The following FAM98B variants were observed in gnomAD, a reference collection of about 807,000 sequenced individuals.
FAM98B encodes tRNA-splicing ligase complex subunit FAM98B.
FAM98B carries 32 observed loss-of-function variants against 43.9 expected under a neutral mutation model. The observed-to-expected ratio is 0.73, with a 90% CI of 0.55 to 0.98. The LOEUF is 0.98. Ranked by LOEUF, FAM98B falls within the 50% of genes least tolerant of loss-of-function variation. The pLI is 0.00. For synonymous variants in FAM98B, 190 were observed against 174.0 expected (o/e 1.09, Z -0.72); for missense variants, 514 against 522.9 (o/e 0.98, Z 0.17).
intron 3 of FAM98B, among the ~76,000 whole-genome samples, chr15:38,469,096 G>A (rs1239330283): frequency 2.0e-5 from 3 of 151,990 alleles, no homozygotes; most frequent in Non-Finnish European, 4.4e-5. Flanking sequence ...AGTAGAGTCG[G>A]GGTTTCACCA....
intron 6 of FAM98B, among the ~76,000 whole-genome samples, chr15:38,475,215 G>A (rs1890178938): frequency 6.6e-6 from 1 of 152,056 alleles, no homozygotes. Flanking sequence ...GGGGGGCAGG[G>A]CGATGGTTTT....
chr15:38,476,429 CT>C (rs1566900408), intron 6 of FAM98B, among the ~76,000 whole-genome samples: 2 of 150,298 alleles, frequency 1.3e-5, no homozygotes, highest in Non-Finnish European at 3.0e-5. Flanking sequence ...TCCTTTATTA[CT>C]TTTTCCCTTT....
At chr15:38,476,913 C>T (rs1890209440) in intron 6 of FAM98B, among the ~76,000 whole-genome samples, 1 of 151,814 alleles carries the variant, frequency 6.6e-6, no homozygotes. Flanking sequence ...ATTGCTTGAG[C>T]CCAGGAGTTT....
chr15:38,456,737 G>T (rs1889854262), intron 1 of FAM98B, among the ~76,000 whole-genome samples: 1 of 152,210 alleles, frequency 6.6e-6, no homozygotes, highest in Non-Finnish European at 1.5e-5. Flanking sequence ...GTTAAGGTTG[G>T]ATGGATGAAA....
Position 38,474,836 on chromosome 15 carries a change from C to T in FAM98B, c.729+538C>T, listed in dbSNP as rs1890174857. Among the ~76,000 whole-genome samples, 3 of 152,086 alleles carry T rather than the reference C, an allele frequency of 2.0e-5. No homozygotes were observed. The South Asian group carries it at 6.2e-4, about 32-fold the overall frequency. On this transcript the variant is annotated intron_variant, in intron 6 of 7. Coordinates refer to ENST00000397609, the MANE Select transcript of FAM98B (RefSeq NM_173611.4). ...TTAGTCTGGGATCACTCCTCACCCC[C>T]GCTCTCCCTACCCTGCATCATTGCC...
intron 1 of FAM98B, chr15:38,458,778 G>A (rs1595795822): frequency 2.5e-6 from 1 of 399,870 alleles, no homozygotes; most frequent in Non-Finnish European, 4.9e-6. Context: ...ACCCAAGGCT[G>A]GTATAGATGT....
chr15:38,466,121 C>G (rs1460785259), intron 3 of FAM98B, among the ~76,000 whole-genome samples: 1 of 151,798 alleles, frequency 6.6e-6, no homozygotes, highest in Admixed American at 6.6e-5. Context: ...AAAGATTACA[C>G]GTGACATATT....
intron 1 of FAM98B, among the ~76,000 whole-genome samples, chr15:38,462,525 G>T (rs188830517): frequency 6.6e-6 from 1 of 152,176 alleles, no homozygotes. Context: ...TATCCTTACA[G>T]GAATACGTCG....
At chr15:38,475,657 T>C (rs961505918) in intron 6 of FAM98B, among the ~76,000 whole-genome samples, 2 of 152,108 alleles carry the variant, frequency 1.3e-5, no homozygotes, top group African/African-American at 2.4e-5. Flanking sequence ...ATGAGAACCC[T>C]TGTGATTATA....
chr15:38,480,192 A>C (rs1180117525), intron 6 of FAM98B, among the ~76,000 whole-genome samples: 1 of 152,178 alleles, frequency 6.6e-6, no homozygotes, highest in African/African-American at 2.4e-5. Context: ...TTTAAATTGA[A>C]AATTAAACCT....
intron 2 of FAM98B, among the ~76,000 whole-genome samples, chr15:38,464,911 A>G (rs1173264917): frequency 1.3e-5 from 2 of 152,230 alleles, no homozygotes; most frequent in Non-Finnish European, 2.9e-5. Flanking sequence ...CAGATCTAAC[A>G]GTTCACTTGA....
chr15:38,478,254 C>A (rs1465123012), intron 6 of FAM98B, among the ~76,000 whole-genome samples: 1 of 152,030 alleles, frequency 6.6e-6, no homozygotes, highest in African/African-American at 2.4e-5. Flanking sequence ...GATATTTTAT[C>A]TTCTCATGTT....
At chr15:38,476,360 T>C (rs2141059905) in intron 6 of FAM98B, among the ~76,000 whole-genome samples, 1 of 151,986 alleles carries the variant, frequency 6.6e-6, no homozygotes, top group East Asian at 1.9e-4. Context: ...TTTTTTTTCA[T>C]TCATTGTGCC....
At chr15:38,455,491 G>T (rs1889834247) in intron 1 of FAM98B, among the ~76,000 whole-genome samples, 1 of 152,168 alleles carries the variant, frequency 6.6e-6, no homozygotes, top group South Asian at 2.1e-4. Flanking sequence ...CAGTGACCCA[G>T]GGTTACGGAG....
intron 6 of FAM98B, among the ~76,000 whole-genome samples, chr15:38,476,980 G>T (rs1890210078): frequency 6.6e-6 from 1 of 151,948 alleles, no homozygotes; most frequent in South Asian, 2.1e-4. Context: ...GACAGAGCAA[G>T]ACTCTGTCTC....
At chr15:38,456,375 C>T (rs1178225406) in intron 1 of FAM98B, among the ~76,000 whole-genome samples, 1 of 152,166 alleles carries the variant, frequency 6.6e-6, no homozygotes, top group Non-Finnish European at 1.5e-5. Context: ...TCATAATCTT[C>T]AGAGGTACAG....
chr15:38,465,355 G>A lies in FAM98B; in HGVS notation c.304G>A (p.Asp102Asn), dbSNP rs754715168. ...TCCATATTCTGTACTCATATCAGGA[G>A]ATATTAAAGATCGTTTAAAAAAGAA... ...ACPYSVLISG[D>N]IKDRLKKKED... Residue 102 changes from aspartate to asparagine, a missense_variant, in exon 3 of 8, where the codon GAT (aspartate) becomes AAT (asparagine). Physicochemically the swap from Asp to Asn is conservative, Grantham distance 23. Coordinates refer to ENST00000397609, the MANE Select transcript of FAM98B (RefSeq NM_173611.4). The A allele has an allele frequency of 3.1e-6, 5 of 1,606,658 alleles. No homozygotes were observed. The South Asian group carries it at 5.6e-5, about 18-fold the overall frequency.
At chr15:38,457,088 AATG>A (rs1201380248) in intron 1 of FAM98B, among the ~76,000 whole-genome samples, 1 of 152,246 alleles carries the variant, frequency 6.6e-6, no homozygotes, top group Non-Finnish European at 1.5e-5. Context: ...CTGTGAAAGA[AATG>A]ATGGTTGCTT....
chr15:38,486,591 G>T lies in FAM98B; in HGVS notation c.*1932G>T, dbSNP rs1010762663. 4 of 152,074 alleles carry T rather than the reference G, an allele frequency of 2.6e-5. No homozygotes were observed. The highest frequency in any genetic ancestry group is 9.7e-5 in the African/African-American group (4 of 41,434). 9.4% of individuals were successfully genotyped at this position (152,074 alleles called of 1,614,324 possible). A position where few individuals can be genotyped will look rare whatever the true frequency, so the allele number is the denominator to read the frequency against. ...GTACCTTTATAGGAGTGCTGCTTGG[G>T]TTATTCACTACAATCACTTATTTCC... On this transcript the variant is annotated 3_prime_UTR_variant, in exon 8 of 8. Coordinates refer to ENST00000397609, the MANE Select transcript of FAM98B (RefSeq NM_173611.4).
Sources: allele counts gnomAD v4.1 joint callset (sites outside exome capture counted in the v4.1 genomes callset), GRCh38; gene constraint gnomAD v4.1.1; transcripts MANE v1.5; gene names NCBI Gene and HGNC (gene_info 2026-07-23, HGNC 2026-07-21).